The following MEGF6 variants were observed in gnomAD, a reference collection of about 807,000 sequenced individuals.
MEGF6 encodes the protein multiple epidermal growth factor-like domains protein 6.
A neutral mutation model predicts 207.1 loss-of-function variants in MEGF6; 184 were observed. That is an observed-to-expected ratio of 0.89 (90% confidence interval 0.79 to 1.00). MEGF6 has a LOEUF of 1.00. Ranked by LOEUF, MEGF6 falls within the 50% of genes least tolerant of loss-of-function variation. The pLI is 0.00. For synonymous variants in MEGF6, 1,038 were observed against 910.0 expected (o/e 1.14, Z -2.53); for missense variants, 2,282 against 2,202.9 (o/e 1.04, Z -0.72).
intron 4 of MEGF6, among the ~76,000 whole-genome samples, chr1:3,535,597 C>T (rs968343081): frequency 6.6e-6 from 1 of 152,112 alleles, no homozygotes; most frequent in Non-Finnish European, 1.5e-5. Flanking sequence ...CGCCCACCTC[C>T]CCTCTGCCCT....
chr1:3,524,069 A>G (rs1641866280), intron 5 of MEGF6, 55 bp downstream of exon 5: 1 of 1,580,000 alleles, frequency 6.3e-7, no homozygotes, highest in Non-Finnish European at 8.6e-7. Context: ...CACACCCCAG[A>G]GGGTAGGGAT....
rs1570260864 is a variant in MEGF6 at position 3,611,208 on chromosome 1, G to GC, written c.60dup (p.Leu21AlafsTer30). 6.4e-7 allele frequency: 1 copy of GC among 1,558,756 alleles called. No individual in the cohort carries two copies. On this transcript the variant is annotated frameshift_variant, in exon 1 of 37. Coordinates refer to ENST00000356575, the MANE Select transcript of MEGF6 (RefSeq NM_001409.4). LOFTEE classifies it high-confidence loss of function. Reference sequence around the variant, plus strand: ...CCCACGGGCACGGCGGGGAGCAGCAGCAGCACCAACGCCAGGACCACCGCG... The same window carrying GC: ...CCCACGGGCACGGCGGGGAGCAGCAGCCAGCACCAACGCCAGGACCACCGCG...
Position 3,490,524 on chromosome 1 carries a change from T to C in MEGF6, c.*4A>G. 1 of 1,612,758 alleles carries C rather than the reference T, an allele frequency of 6.2e-7. No homozygotes were observed. The highest frequency in any genetic ancestry group is 1.1e-5 in the South Asian group (1 of 91,044). ...GAGAGGCGGGCTCCACGGGACTGCC[T>C]CTACTAGTGCCTCGCTGGTCCACCG... On this transcript the variant is annotated 3_prime_UTR_variant, in exon 37 of 37. Coordinates refer to ENST00000356575, the MANE Select transcript of MEGF6 (RefSeq NM_001409.4).
intron 2 of MEGF6, 99 bp downstream of exon 2, chr1:3,602,367 C>A (rs1644173660): frequency 1.3e-6 from 2 of 1,537,942 alleles, no homozygotes; most frequent in Non-Finnish European, 1.8e-6. Context: ...GCCCTGAGAC[C>A]AGGACGGGGT....
chr1:3,591,935 AACTGAGCCCAGT>A (rs1280430759), intron 3 of MEGF6, among the ~76,000 whole-genome samples: 1 of 152,020 alleles, frequency 6.6e-6, no homozygotes, highest in African/African-American at 2.4e-5. Context: ...ACCTGGAGGG[AACTGAGCCCAGT>A]ACTGAGCCAT....
chr1:3,571,939 T>C lies in MEGF6; in HGVS notation c.481+7886A>G, dbSNP rs574632762. Reference sequence around the variant, plus strand: ...TCCTTCAGGGTGTACTGGGTCCTCCTGGGTGTGCTGGGTCCTCCTGGGTGT... The same window carrying C: ...TCCTTCAGGGTGTACTGGGTCCTCCCGGGTGTGCTGGGTCCTCCTGGGTGT... On this transcript the variant is annotated intron_variant, in intron 4 of 36. Coordinates refer to ENST00000356575, the MANE Select transcript of MEGF6 (RefSeq NM_001409.4). Among the ~76,000 whole-genome samples, 143 of 127,300 alleles carry C rather than the reference T, an allele frequency of 1.1e-3. 1 individual carries two copies. The Middle Eastern group carries it at 0.016, about 15-fold the overall frequency. The allele number at this position is 127,300 out of a possible 152,430, so 83.5% of individuals were successfully genotyped here.
intron 8 of MEGF6, 100 bp from the exon 9 acceptor site, chr1:3,511,787 T>C: frequency 6.6e-7 from 1 of 1,524,350 alleles, no homozygotes; most frequent in Non-Finnish European, 8.9e-7. Flanking sequence ...GCCTCGGGCC[T>C]GGGGACACCC....
At chr1:3,618,011 C>T in the MEGF6 span, among the ~76,000 whole-genome samples, 3,166 of 152,246 alleles carry the variant, frequency 0.021, 43 homozygotes, top group Non-Finnish European at 0.031. This position sits in a 1 kb window ranked among gnomAD's most constrained non-coding sequence, Gnocchi z 4.7. Flanking sequence ...GCCTCCACAG[C>T]GGGTGCTGCC....
chr1:3,511,376 G>T (rs1641339646), intron 9 of MEGF6, among the ~76,000 whole-genome samples, 174 bp downstream of exon 9: 1 of 152,186 alleles, frequency 6.6e-6, no homozygotes, highest in African/African-American at 2.4e-5. Flanking sequence ...TCCCGGCCAG[G>T]ATGCTGCCTC....
chr1:3,578,537 G>GC (rs1491510160), intron 4 of MEGF6, among the ~76,000 whole-genome samples: 33 of 58,956 alleles, frequency 5.6e-4, no homozygotes, highest in African/African-American at 3.4e-3. Flanking sequence ...CAGGGGCCCT[G>GC]GGGGGGGGGG....
At chr1:3,531,195 G>A (rs1209263080) in intron 4 of MEGF6, 5 of 1,518,320 alleles carry the variant, frequency 3.3e-6, no homozygotes, top group Admixed American at 2.1e-5. Context: ...GGCCCCCCAG[G>A]AGCCCAAGGC....
Position 3,500,610 on chromosome 1 carries a change from C to G in MEGF6, c.2707+23G>C, listed in dbSNP as rs530367815. The stretch of plus-strand genomic sequence containing the variant: ...GTGTGCGCACTCAGGAGGGTGGCAG[C>G]CAAAGGCAGGGCCGGGACTCACGCT... On this transcript the variant is annotated intron_variant, in intron 21 of 36. Coordinates refer to ENST00000356575, the MANE Select transcript of MEGF6 (RefSeq NM_001409.4). The G allele has an allele frequency of 6.5e-6, 10 of 1,541,466 alleles. No individual in the cohort carries two copies. The East Asian group carries it at 2.4e-4, about 38-fold the overall frequency.
At chr1:3,585,510 G>A (rs1357934965) in intron 3 of MEGF6, among the ~76,000 whole-genome samples, 3 of 148,670 alleles carry the variant, frequency 2.0e-5, no homozygotes, top group African/African-American at 7.6e-5. Flanking sequence ...GTGTGTGGGT[G>A]TGAGTGACAC....
chr1:3,509,190 CA>C lies in MEGF6; in HGVS notation c.1412del (p.Leu471ArgfsTer52). 1 of 1,574,060 alleles carries C rather than the reference CA, an allele frequency of 6.4e-7. No homozygotes were observed. The highest frequency in any genetic ancestry group is 8.6e-7 in the Non-Finnish European group (1 of 1,160,522). On this transcript the variant is annotated frameshift_variant, in exon 12 of 37. Coordinates refer to ENST00000356575, the MANE Select transcript of MEGF6 (RefSeq NM_001409.4). LOFTEE classifies it high-confidence loss of function. ...LDGELPFVRP[L>X]PHIAVLQDEL... Reference sequence around the variant, plus strand: ...CGTCCTGGAGCACGGCAATGTGGGGCAGGGGCCGCACGAAAGGCAGCTCGCC... The same window carrying C: ...CGTCCTGGAGCACGGCAATGTGGGGCGGGGCCGCACGAAAGGCAGCTCGCC...
chr1:3,494,271 C>A, intron 32 of MEGF6, 100 bp downstream of exon 32: 1 of 1,466,696 alleles, frequency 6.8e-7, no homozygotes. Flanking sequence ...GCTGGCTCCC[C>A]ACCTCCCCAC....
intron 30 of MEGF6, 55 bp downstream of exon 30, chr1:3,495,835 C>A: frequency 6.3e-7 from 1 of 1,575,238 alleles, no homozygotes; most frequent in East Asian, 2.3e-5. Flanking sequence ...CACGGCTAAT[C>A]CAGTGACATC....
rs758732308 is a variant in MEGF6 at position 3,560,784 on chromosome 1, A to C, written c.481+19041T>G. ...CTCTGGATTTCCAGGGTCACCCGGC[A>C]GTCCCCTCTGGCAGCCACCGGAGCA... is the stretch of plus-strand genomic sequence containing the variant. On this transcript the variant is annotated intron_variant, in intron 4 of 36. Transcript: ENST00000356575. The surrounding 1 kb of genome is among the most constrained non-coding windows in gnomAD (Gnocchi z 4.0). 1 of 473,348 alleles carries C rather than the reference A, an allele frequency of 2.1e-6. No individual in the cohort carries two copies. The highest frequency in any genetic ancestry group is 4.4e-6 in the Non-Finnish European group (1 of 228,440). 29.3% of individuals were successfully genotyped at this position (473,348 alleles called of 1,614,324 possible).
At chr1:3,575,652 G>C (rs975583164) in intron 4 of MEGF6, among the ~76,000 whole-genome samples, 1 of 152,058 alleles carries the variant, frequency 6.6e-6, no homozygotes, top group African/African-American at 2.4e-5. Context: ...GATGGCAGCA[G>C]GCAAAGAGAG....
chr1:3,495,608 C>A (rs1322892789), intron 30 of MEGF6, among the ~76,000 whole-genome samples: 1 of 152,176 alleles, frequency 6.6e-6, no homozygotes, highest in East Asian at 1.9e-4. Context: ...GCCCCCACGG[C>A]CACCTCTATG....
Sources: allele counts gnomAD v4.1 joint callset (sites outside exome capture counted in the v4.1 genomes callset), GRCh38; gene constraint gnomAD v4.1.1; non-coding constraint Gnocchi (gnomAD v3.1); transcripts MANE v1.5; gene names NCBI Gene and HGNC (gene_info 2026-07-23, HGNC 2026-07-21).